Variants in ALG14 observed in about 807,000 individuals in gnomAD.
The protein encoded by ALG14 is UDP-N-acetylglucosamine transferase subunit ALG14.
Under a neutral mutation model 22.8 loss-of-function variants are expected in ALG14, and 17 were observed. That is an observed-to-expected ratio of 0.75 (90% CI 0.51 to 1.12). The LOEUF (loss-of-function observed/expected upper bound fraction) is 1.12. Among genes scored for constraint, ALG14 ranks in the 50% most tolerant of loss-of-function variants. The pLI is 0.00. For synonymous variants in ALG14, 89 were observed against 103.7 expected (o/e 0.86, Z 0.86); for missense variants, 288 against 271.8 (o/e 1.06, Z -0.42).
chr1:95,064,933 T>C lies in ALG14; in HGVS notation c.221A>G (p.Asp74Gly). 6.2e-7 allele frequency: 1 copy of C among 1,614,028 alleles called. No individual in the cohort carries two copies. The highest frequency in any genetic ancestry group is 8.5e-7 in the Non-Finnish European group (1 of 1,179,906). The change falls in exon 2 of 4, where the codon GAT (aspartate) becomes GGT (glycine). Residue 74 changes from aspartate (D) to glycine (G), a missense_variant. By Grantham distance (94) the Asp-to-Gly change is moderately conservative. Coordinates refer to ENST00000370205, the MANE Select transcript of ALG14 (RefSeq NM_144988.4). ...ATTTATTTTATTGGCACTCATTTCA[T>C]CAGTGTCAGCAATGACATAATGTCT... ...SPRHYVIADT[D>G]EMSANKINSF...
chr1:94,982,686 G>C lies in ALG14; in HGVS notation c.*390C>G. The C allele has an allele frequency of 2.1e-5, 1 of 48,238 alleles. No individual in the cohort carries two copies. The allele number at this position is 48,238 out of a possible 1,614,324, so 3.0% of individuals were successfully genotyped here. A position where few individuals can be genotyped will look rare whatever the true frequency, so the allele number is the denominator to read the frequency against. On this transcript the variant is annotated 3_prime_UTR_variant, in exon 4 of 4. Transcript: ENST00000370205. ...CTTTTTTTCTCTCTTCTTTTACAAT[G>C]CAGAATACTTTACAAAAAAAAAAAA...
At chr1:94,996,881 C>T (rs1398663810) in intron 3 of ALG14, among the ~76,000 whole-genome samples, 1 of 152,004 alleles carries the variant, frequency 6.6e-6, no homozygotes, top group Non-Finnish European at 1.5e-5. Flanking sequence ...AGGGTTTCAC[C>T]GTTGTTGGCC....
At chr1:95,055,062 C>T (rs1412466744) in intron 2 of ALG14, among the ~76,000 whole-genome samples, 2 of 152,168 alleles carry the variant, frequency 1.3e-5, no homozygotes, top group African/African-American at 4.8e-5. Context: ...ATCTCACATG[C>T]AGAAAAGACA....
At chr1:95,002,827 T>C (rs1383996020) in intron 3 of ALG14, among the ~76,000 whole-genome samples, 2 of 152,204 alleles carry the variant, frequency 1.3e-5, no homozygotes, top group African/African-American at 4.8e-5. Context: ...AACTCAAGAT[T>C]GTGTGTTCAC....
rs567587070 is a variant in ALG14 at position 95,033,716 on chromosome 1, T to C, written c.289-6456A>G. On this transcript the variant is annotated intron_variant, in intron 2 of 3. Transcript: ENST00000370205. ...CCCATGTTTCCTTCTCCCAAAACTT[T>C]TATACACATTCCATAGCTAACCACT... Among the ~76,000 whole-genome samples the C allele has an allele frequency of 1.8e-4, 28 of 152,168 alleles. No homozygotes were observed. The South Asian group carries it at 4.6e-3, about 25-fold the overall frequency.
intron 2 of ALG14, among the ~76,000 whole-genome samples, chr1:95,037,504 TGCTGGAGGCA>T (rs940718540): frequency 6.6e-5 from 10 of 152,148 alleles, no homozygotes; most frequent in African/African-American, 2.4e-4. Flanking sequence ...AGCTTGGAGC[TGCTGGAGGCA>T]GCACTGTGGG....
At chr1:95,071,733 G>C (rs1675572270) in intron 1 of ALG14, among the ~76,000 whole-genome samples, 1 of 152,062 alleles carries the variant, frequency 6.6e-6, no homozygotes, top group Admixed American at 6.6e-5. Flanking sequence ...CATCTTTCAA[G>C]TTTCAGTTTA....
chr1:95,013,608 C>T (rs529861558), intron 3 of ALG14, among the ~76,000 whole-genome samples: 4 of 152,140 alleles, frequency 2.6e-5, no homozygotes, highest in African/African-American at 9.7e-5. Flanking sequence ...CGTGAGCCAA[C>T]GTGCCTGGCC....
At position 95,039,551 on chromosome 1, in the gene ALG14, C is replaced by A. The variant is rs11165289; in HGVS notation, c.289-12291G>T. ...TGACCTGGGGAGCAAATAGCAAGAG[C>A]GGAAACAGGCTGACAGCACATCATG... On this transcript the variant is annotated intron_variant, in intron 2 of 3. Coordinates refer to ENST00000370205, the MANE Select transcript of ALG14 (RefSeq NM_144988.4). Among the ~76,000 whole-genome samples, 4 of 152,136 alleles carry A rather than the reference C, an allele frequency of 2.6e-5. No individual in the cohort carries two copies. In the South Asian group the frequency reaches 8.3e-4, roughly 32 times the overall value.
chr1:95,026,755 C>T (rs748755304), intron 3 of ALG14, among the ~76,000 whole-genome samples: 2 of 152,012 alleles, frequency 1.3e-5, no homozygotes, highest in African/African-American at 2.4e-5. Context: ...ATGGTGAAAC[C>T]CCATCTCTCT....
intron 2 of ALG14, among the ~76,000 whole-genome samples, chr1:95,045,892 A>ATACTAATAGAATGGTATACTAATAATTAG (rs1674534262): frequency 1.8e-5 from 1 of 56,678 alleles, no homozygotes. Flanking sequence ...AATAGAATTA[A>ATACTAATAGAATGGTATACTAATAATTAG]TATACTAATA....
At chr1:95,025,801 C>T (rs1557959688) in intron 3 of ALG14, among the ~76,000 whole-genome samples, 1 of 152,194 alleles carries the variant, frequency 6.6e-6, no homozygotes, top group South Asian at 2.1e-4. Flanking sequence ...AGAATTAGGA[C>T]CTTGTCCTGA....
At chr1:95,041,177 G>A (rs1047349140) in intron 2 of ALG14, among the ~76,000 whole-genome samples, 4 of 151,758 alleles carry the variant, frequency 2.6e-5, no homozygotes, top group South Asian at 2.1e-4. Flanking sequence ...CATTTAGACC[G>A]GCCTCCTTTC....
chr1:95,070,823 C>T (rs1366913367), intron 1 of ALG14, among the ~76,000 whole-genome samples: 3 of 152,180 alleles, frequency 2.0e-5, no homozygotes, highest in East Asian at 1.9e-4. Context: ...GCAACCTCCA[C>T]CTCCCAGACT....
chr1:94,988,997 TTAG>T (rs1334877060), intron 3 of ALG14, among the ~76,000 whole-genome samples: 23 of 152,328 alleles, frequency 1.5e-4, no homozygotes, highest in East Asian at 9.6e-4. Flanking sequence ...ATACATAATA[TTAG>T]TAAAGTTAGT....
chr1:95,046,914 C>T (rs1011550988), intron 2 of ALG14, among the ~76,000 whole-genome samples: 3 of 151,908 alleles, frequency 2.0e-5, no homozygotes, highest in African/African-American at 4.8e-5. Context: ...CCTGGGCAAC[C>T]TGAGATTGCT....
intron 2 of ALG14, chr1:95,041,419 C>A (rs767961203): frequency 7.2e-5 from 11 of 152,040 alleles, no homozygotes; most frequent in African/African-American, 2.4e-4. Flanking sequence ...AGGAGACTAG[C>A]GTAGGCAACA....
intron 2 of ALG14, among the ~76,000 whole-genome samples, chr1:95,034,085 C>A (rs895382181): frequency 6.6e-6 from 1 of 152,188 alleles, no homozygotes; most frequent in Non-Finnish European, 1.5e-5. Flanking sequence ...CAGACTCACT[C>A]CTTCCTGAGG....
At chr1:94,989,871 G>A (rs1672731401) in intron 3 of ALG14, among the ~76,000 whole-genome samples, 1 of 152,180 alleles carries the variant, frequency 6.6e-6, no homozygotes, top group Non-Finnish European at 1.5e-5. Context: ...TAACTAGATG[G>A]GAGGAACAAA....
Sources: gnomAD v4.1 joint callset for allele counts (sites outside exome capture counted in the v4.1 genomes callset) on GRCh38, gnomAD v4.1.1 for gene constraint, MANE v1.5 for transcripts, NCBI Gene and HGNC (gene_info 2026-07-23, HGNC 2026-07-21) for gene names.